MBP: variants seen among roughly 807,000 people sequenced by gnomAD.
MBP encodes myelin basic protein, also known as Golli-MBP.
Under a neutral mutation model 35.8 loss-of-function variants are expected in MBP, and 16 were observed. The ratio of observed to expected loss-of-function variants is 0.45; its 90% CI spans 0.30 to 0.68. The LOEUF is 0.68. MBP is among the 30% of genes least tolerant of loss of function. The pLI is 0.08. For synonymous variants in MBP, 143 were observed against 159.6 expected, an observed-to-expected ratio of 0.90 and a Z score of 0.78; for missense variants, 380 against 404.7, an observed-to-expected ratio of 0.94 and a Z score of 0.52.
chr18:77,046,825 G>A (rs565300907), intron 3 of MBP, among the ~76,000 whole-genome samples: 73 of 152,230 alleles, frequency 4.8e-4, no homozygotes, highest in Non-Finnish European at 9.1e-4. Flanking sequence ...TCTGGTGTAA[G>A]TACTGGCTTA....
intron 7 of MBP, chr18:76,985,405 C>A: frequency 8.2e-7 from 1 of 1,223,740 alleles, no homozygotes; most frequent in Non-Finnish European, 1.0e-6. Flanking sequence ...ATTCTGGTCA[C>A]ATGTGCCCTG....
chr18:77,040,307 C>T (rs1972940437), intron 3 of MBP, among the ~76,000 whole-genome samples: 1 of 152,202 alleles, frequency 6.6e-6, no homozygotes, highest in South Asian at 2.1e-4. Flanking sequence ...AAGAACATTC[C>T]ATGCTCATGG....
intron 1 of MBP, among the ~76,000 whole-genome samples, chr18:77,106,973 T>A (rs997921013): frequency 6.6e-6 from 1 of 152,190 alleles, no homozygotes; most frequent in Non-Finnish European, 1.5e-5. Flanking sequence ...AAATTCACTG[T>A]GTCCTTTTAG....
chr18:77,034,695 G>A lies in MBP; in HGVS notation c.140-17427C>T, dbSNP rs4890789. The stretch of plus-strand genomic sequence containing the variant: ...AGAAGACGGAAATTAATAAAATCCA[G>A]TGGTGCGTTTTATGCCCTCCCTGAT... On this transcript the variant is annotated intron_variant, in intron 3 of 8. Coordinates refer to ENST00000355994, the MANE Select transcript of MBP (RefSeq NM_001025101.2). Among the ~76,000 whole-genome samples, 1,086 of 152,288 alleles carry A rather than the reference G, an allele frequency of 7.1e-3. 32 individuals are homozygous for A. The highest frequency in any genetic ancestry group is 0.056 in the East Asian group (290 of 5,176).
At chr18:77,088,063 C>A (rs1975336082) in intron 2 of MBP, among the ~76,000 whole-genome samples, 1 of 152,176 alleles carries the variant, frequency 6.6e-6, no homozygotes, top group East Asian at 1.9e-4. Context: ...ACCTACGGGG[C>A]TCCTAAGGCC....
intron 1 of MBP, chr18:77,112,495 C>A (rs1976502150): frequency 6.6e-6 from 1 of 152,200 alleles, no homozygotes; most frequent in Non-Finnish European, 1.5e-5. Context: ...AACATCGGTG[C>A]AAAGGGGAAG....
rs147613049 is a variant in MBP, at chr18:76,981,927, A to C, written c.871-1456T>G. On this transcript the variant is annotated intron_variant, in intron 8 of 8. Coordinates refer to ENST00000355994, the MANE Select transcript of MBP (RefSeq NM_001025101.2). Reference sequence around the variant, plus strand: ...TGGTAGAACCACTGTCCTATGAAACAAAGTGCTTCTGTGCTGAAATGGAGT... The same window carrying C: ...TGGTAGAACCACTGTCCTATGAAACCAAGTGCTTCTGTGCTGAAATGGAGT... The C allele has an allele frequency of 7.2e-5, 11 of 152,380 alleles. No individual in the cohort carries two copies. In the East Asian group the frequency reaches 2.1e-3, roughly 29 times the overall value. The allele number at this position is 152,380 out of a possible 1,614,324, so 9.4% of individuals were successfully genotyped here. A position where few individuals can be genotyped will look rare whatever the true frequency, so the allele number is the denominator to read the frequency against.
At chr18:77,015,373 C>T (rs1382878067) in intron 4 of MBP, 1 of 985,336 alleles carries the variant, frequency 1.0e-6, no homozygotes, top group Non-Finnish European at 1.2e-6. Flanking sequence ...TATTGGGCAA[C>T]CCGAATCCAT....
rs769335922 is a variant in MBP, at chr18:76,991,768, G to A, written c.577-1708C>T. Among the ~76,000 whole-genome samples the A allele has an allele frequency of 2.0e-5, 3 of 152,184 alleles. No individual in the cohort carries two copies. In the East Asian group the frequency reaches 5.8e-4, roughly 29 times the overall value. On this transcript the variant is annotated intron_variant, in intron 4 of 8. Coordinates refer to ENST00000355994, the MANE Select transcript of MBP (RefSeq NM_001025101.2). ...GCGCCCCGTCGACACAGAACGCAGC[G>A]GAAGCAAATCAGTTAAATGCACGGA... is the stretch of plus-strand genomic sequence containing the variant.
rs571647187 is a variant in MBP, at chr18:77,022,545, A to AG, written c.140-5278dup. Among the ~76,000 whole-genome samples, 477 of 107,732 alleles carry AG rather than the reference A, an allele frequency of 4.4e-3. 3 individuals carry two copies. The highest frequency in any genetic ancestry group is 8.1e-3 in the African/African-American group (254 of 31,384). 70.7% of individuals were successfully genotyped at this position (107,732 alleles called of 152,430 possible). Reference sequence around the variant, plus strand: ...GTCAGTACAAAGCTGCAGTTTTTGCAGGGTGCAATGCTTATTTATAGGTTG... The same window carrying AG: ...GTCAGTACAAAGCTGCAGTTTTTGCAGGGGTGCAATGCTTATTTATAGGTTG... On this transcript the variant is annotated intron_variant, in intron 3 of 8. Coordinates refer to ENST00000355994, the MANE Select transcript of MBP (RefSeq NM_001025101.2).
chr18:77,070,473 G>C (rs1215264305), intron 2 of MBP, among the ~76,000 whole-genome samples: 1 of 152,192 alleles, frequency 6.6e-6, no homozygotes, highest in Non-Finnish European at 1.5e-5. Flanking sequence ...ATATCGTAAG[G>C]AGCACAAACA....
At position 77,061,217 on chromosome 18, in the gene MBP, T is replaced by C. The variant is rs57534834; in HGVS notation, c.139+5081A>G. Among the ~76,000 whole-genome samples, 281 of 152,356 alleles carry C rather than the reference T, an allele frequency of 1.8e-3. 2 individuals are homozygous for C. The highest frequency in any genetic ancestry group is 6.4e-3 in the African/African-American group (266 of 41,580). ...TGAATTCTATTACAATAAATAACTA[T>C]ACAAAACTAATCTCCACATGTGCTA... On this transcript the variant is annotated intron_variant, in intron 3 of 8. Coordinates refer to ENST00000355994, the MANE Select transcript of MBP (RefSeq NM_001025101.2).
At chr18:77,072,066 G>T (rs975080539) in intron 2 of MBP, among the ~76,000 whole-genome samples, 1 of 152,094 alleles carries the variant, frequency 6.6e-6, no homozygotes, top group Non-Finnish European at 1.5e-5. Context: ...TTCCTATGAC[G>T]TCACAGGCGA....
At chr18:77,061,766 C>T (rs1025184423) in intron 3 of MBP, among the ~76,000 whole-genome samples, 2 of 152,190 alleles carry the variant, frequency 1.3e-5, no homozygotes, top group African/African-American at 2.4e-5. Flanking sequence ...CTAACTCAAG[C>T]TTTATAAAAT....
chr18:77,092,803 C>T (rs1186527142), intron 2 of MBP, among the ~76,000 whole-genome samples: 2 of 152,130 alleles, frequency 1.3e-5, no homozygotes, highest in Admixed American at 6.5e-5. Flanking sequence ...TTCACGAAAT[C>T]GGCCGTTTCC....
chr18:77,121,099 G>A (rs1976872314), intron 1 of MBP, among the ~76,000 whole-genome samples: 1 of 152,092 alleles, frequency 6.6e-6, no homozygotes, highest in Non-Finnish European at 1.5e-5. Context: ...AGGTGTTCGA[G>A]ACAAGCTGGG....
At chr18:77,029,373 T>C (rs1322959353) in intron 3 of MBP, among the ~76,000 whole-genome samples, 1 of 143,390 alleles carries the variant, frequency 7.0e-6, no homozygotes. Flanking sequence ...ACAGTCCAGC[T>C]TCGGCTCGGC....
intron 1 of MBP, among the ~76,000 whole-genome samples, chr18:77,130,527 C>G (rs1461393105): frequency 6.6e-6 from 1 of 151,932 alleles, no homozygotes. Flanking sequence ...GATAAACACT[C>G]CCAGGCGACA....
rs1252800804 is a variant in MBP, at chr18:76,979,952, G to A, written c.*475C>T. 1 of 702,430 alleles carries A rather than the reference G, an allele frequency of 1.4e-6. No homozygotes were observed. Among genetic ancestry groups the A allele is most frequent in the South Asian group, 1.5e-5 (1 of 67,604 alleles). 43.5% of individuals were successfully genotyped at this position (702,430 alleles called of 1,614,324 possible). On this transcript the variant is annotated 3_prime_UTR_variant, in exon 9 of 9. Transcript: ENST00000355994. ...ATGAAGTCTACTTTAGGAGGTGAGA[G>A]AAGGACAGGAAAAAAAAACAAAGGA...
Sources: gnomAD v4.1 joint callset for allele counts (sites outside exome capture counted in the v4.1 genomes callset) on GRCh38, gnomAD v4.1.1 for gene constraint, MANE v1.5 for transcripts, NCBI Gene and HGNC (gene_info 2026-07-23, HGNC 2026-07-21) for gene names.